Variants in WDPCP observed in about 807,000 individuals in gnomAD.
WDPCP encodes the protein WD repeat-containing and planar cell polarity effector protein fritz homolog.
In WDPCP, 71 loss-of-function variants were observed where a neutral mutation model predicts 93.1. The observed-to-expected ratio is 0.76, with a 90% confidence interval of 0.63 to 0.93. WDPCP has a LOEUF of 0.93. WDPCP is among the 40% of genes least tolerant of loss of function. WDPCP has a pLI of 0.00. For missense variants in WDPCP, 844 were observed against 887.4 expected (o/e 0.95, Z 0.62); for synonymous variants, 315 against 315.0 (o/e 1.00, Z 0.00).
At chr2:63,244,143 A>C (rs1680085154) in intron 14 of WDPCP, among the ~76,000 whole-genome samples, 1 of 152,200 alleles carries the variant, frequency 6.6e-6, no homozygotes, top group East Asian at 1.9e-4. Flanking sequence ...TTGGGCATTA[A>C]GGCAGAAATC....
intron 14 of WDPCP, among the ~76,000 whole-genome samples, chr2:63,195,277 GAGTC>G (rs1461265601): frequency 6.6e-6 from 1 of 152,116 alleles, no homozygotes; most frequent in African/African-American, 2.4e-5. Context: ...AAACTGTACT[GAGTC>G]AGGCAACAAT....
chr2:63,649,085 A>G (rs1162460213), intron 3 of WDPCP, among the ~76,000 whole-genome samples: 2 of 152,184 alleles, frequency 1.3e-5, no homozygotes, highest in Admixed American at 6.5e-5. Flanking sequence ...ACACTTTAGT[A>G]TATTGACTAT....
At chr2:63,241,390 G>A (rs185925462) in intron 14 of WDPCP, among the ~76,000 whole-genome samples, 5 of 152,042 alleles carry the variant, frequency 3.3e-5, no homozygotes, top group East Asian at 3.9e-4. Flanking sequence ...ATAATATAAC[G>A]CACCCTGTAA....
intron 12 of WDPCP, among the ~76,000 whole-genome samples, chr2:63,319,294 C>A (rs539820778): frequency 6.6e-6 from 1 of 151,966 alleles, no homozygotes; most frequent in East Asian, 1.9e-4. Flanking sequence ...TTTTTGTATA[C>A]AGTGAAAGGA....
chr2:63,805,779 G>C (rs917383992), intron 2 of WDPCP, among the ~76,000 whole-genome samples: 5 of 152,154 alleles, frequency 3.3e-5, no homozygotes, highest in African/African-American at 1.2e-4. Flanking sequence ...TATTAATACA[G>C]AACTTAGTAT....
At chr2:63,493,025 G>A (rs1021855975) in intron 1 of WDPCP, 85 bp from the exon 2 acceptor site, 3 of 1,149,278 alleles carry the variant, frequency 2.6e-6, no homozygotes, top group Non-Finnish European at 3.9e-6. Flanking sequence ...ATAGTAAAAA[G>A]AATCATTCGC....
intron 6 of WDPCP, among the ~76,000 whole-genome samples, chr2:63,444,048 G>A (rs1220708521): frequency 6.6e-6 from 1 of 152,082 alleles, no homozygotes; most frequent in Non-Finnish European, 1.5e-5. Flanking sequence ...GTATATCTGG[G>A]AGTCATCAAC....
At chr2:63,156,572 C>T (rs1316928532) in intron 15 of WDPCP, among the ~76,000 whole-genome samples, 5 of 151,876 alleles carry the variant, frequency 3.3e-5, no homozygotes, top group Non-Finnish European at 5.9e-5. Flanking sequence ...CCCATCTCTA[C>T]TAAAAATACA....
intron 1 of WDPCP, among the ~76,000 whole-genome samples, chr2:63,816,320 G>A (rs2104107630): frequency 6.6e-6 from 1 of 152,290 alleles, no homozygotes; most frequent in South Asian, 2.1e-4. Flanking sequence ...TTGACAAACT[G>A]TGATATTATA....
At chr2:63,691,289 C>A (rs1668883917) in intron 2 of WDPCP, among the ~76,000 whole-genome samples, 1 of 152,174 alleles carries the variant, frequency 6.6e-6, no homozygotes, top group Admixed American at 6.5e-5. Context: ...GGACAGAAGG[C>A]ACTATATAAG....
intron 1 of WDPCP, among the ~76,000 whole-genome samples, chr2:63,583,202 G>A (rs899947212): frequency 6.6e-6 from 1 of 152,020 alleles, no homozygotes; most frequent in African/African-American, 2.4e-5. Context: ...TATGATAAAG[G>A]ATGTATGCTA....
intron 3 of WDPCP, among the ~76,000 whole-genome samples, chr2:63,609,358 C>T (rs773383757): frequency 2.0e-5 from 3 of 151,426 alleles, no homozygotes; most frequent in Non-Finnish European, 4.4e-5. Context: ...GACTCCATTT[C>T]AAAACAAAAC....
At chr2:63,516,030 AAAAG>A (rs1450312925) in intron 1 of WDPCP, among the ~76,000 whole-genome samples, 1 of 151,936 alleles carries the variant, frequency 6.6e-6, no homozygotes, top group East Asian at 1.9e-4. Context: ...AAAAAAAAAA[AAAAG>A]ATTTTCTAAT....
intron 3 of WDPCP, chr2:63,622,087 AAG>A: frequency 5.7e-5 from 30 of 523,402 alleles, no homozygotes; most frequent in Admixed American, 1.5e-4. Context: ...TTTTTTTTGG[AAG>A]TTGATTTTTA....
At chr2:63,258,582 C>A (rs184692715) in intron 14 of WDPCP, among the ~76,000 whole-genome samples, 48 of 152,150 alleles carry the variant, frequency 3.2e-4, no homozygotes, top group African/African-American at 1.2e-3. Context: ...CAGAGGAGTT[C>A]CACAGAAAAA....
intron 13 of WDPCP, among the ~76,000 whole-genome samples, chr2:63,294,087 A>T (rs1041624439): frequency 1.7e-4 from 26 of 149,226 alleles, no homozygotes; most frequent in African/African-American, 5.4e-4. Flanking sequence ...AAATACAAAG[A>T]CAAAGGGAAT....
At chr2:63,588,910 G>A, upstream of WDPCP, 2 of 1,227,754 alleles carry the variant, frequency 1.6e-6, no homozygotes, top group Non-Finnish European at 1.2e-6. Context: ...AGTTCCCAGA[G>A]AGCGCCGCGT....
intron 6 of WDPCP, among the ~76,000 whole-genome samples, chr2:63,458,673 A>C (rs538322189): frequency 1.3e-5 from 2 of 152,342 alleles, no homozygotes; most frequent in South Asian, 4.1e-4. Flanking sequence ...TATCCAAAGC[A>C]ATCTACAGAT....
intron 3 of WDPCP, among the ~76,000 whole-genome samples, chr2:63,631,562 A>G (rs1709865164): frequency 6.6e-6 from 1 of 152,206 alleles, no homozygotes; most frequent in Non-Finnish European, 1.5e-5. Flanking sequence ...ACAAAAAATA[A>G]TAATTAAACA....
Sources: allele counts gnomAD v4.1 joint callset (sites outside exome capture counted in the v4.1 genomes callset), GRCh38; gene constraint gnomAD v4.1.1; transcripts MANE v1.5; gene names NCBI Gene and HGNC (gene_info 2026-07-23, HGNC 2026-07-21).